INPP4B: variants seen among roughly 807,000 people sequenced by gnomAD.
The protein encoded by INPP4B is inositol polyphosphate-4-phosphatase type II B, also known as inositol polyphosphate 4-phosphatase type II.
INPP4B carries 55 observed loss-of-function variants against 122.5 expected under a neutral mutation model. That is an observed-to-expected ratio of 0.45 (90% CI 0.36 to 0.56). INPP4B has a LOEUF of 0.56. Ranked by LOEUF, INPP4B falls within the 20% of genes least tolerant of loss-of-function variation. INPP4B has a pLI of 0.00. For synonymous variants in INPP4B, 403 were observed against 388.7 expected (o/e 1.04, Z -0.43); for missense variants, 1,000 against 1,097.7 (o/e 0.91, Z 1.26).
chr4:142,582,209 T>A (rs1298085574), intron 2 of INPP4B, among the ~76,000 whole-genome samples: 1 of 142,326 alleles, frequency 7.0e-6, no homozygotes, highest in Non-Finnish European at 1.6e-5. Flanking sequence ...AAAAAAAAAA[T>A]CTACTCACAA....
intron 23 of INPP4B, among the ~76,000 whole-genome samples, chr4:142,087,161 G>A (rs1777265930): frequency 6.6e-6 from 1 of 152,142 alleles, no homozygotes; most frequent in Non-Finnish European, 1.5e-5. Flanking sequence ...CTTTCCCAAG[G>A]TAACAGTAAA....
At chr4:142,690,642 G>A (rs1343798298) in intron 2 of INPP4B, among the ~76,000 whole-genome samples, 1 of 152,112 alleles carries the variant, frequency 6.6e-6, no homozygotes, top group Non-Finnish European at 1.5e-5. Context: ...CTGGAGAACT[G>A]GCAAAAAGGA....
intron 7 of INPP4B, among the ~76,000 whole-genome samples, chr4:142,320,764 A>G (rs1769701157): frequency 6.6e-6 from 1 of 152,002 alleles, no homozygotes; most frequent in Non-Finnish European, 1.5e-5. Context: ...TCCATTCCTG[A>G]GTTACTTCAC....
chr4:142,833,720 A>C (rs373061177), intron 1 of INPP4B, among the ~76,000 whole-genome samples: 55 of 152,138 alleles, frequency 3.6e-4, no homozygotes, highest in African/African-American at 1.1e-3. Context: ...CTCAGCCAGC[A>C]CCAGGTCTTT....
intron 2 of INPP4B, among the ~76,000 whole-genome samples, chr4:142,547,821 A>G (rs1233409188): frequency 6.6e-6 from 1 of 152,208 alleles, no homozygotes; most frequent in Non-Finnish European, 1.5e-5. Context: ...GGACCAGTTT[A>G]GAACCTCATG....
chr4:142,831,522 C>T (rs1044979927), intron 1 of INPP4B, among the ~76,000 whole-genome samples: 5 of 152,178 alleles, frequency 3.3e-5, no homozygotes, highest in Non-Finnish European at 5.9e-5. Context: ...CAAATGTCTT[C>T]TACAAGGATT....
chr4:142,836,746 A>ACACACACACACACACACACACACAC (rs1561124907), intron 1 of INPP4B, among the ~76,000 whole-genome samples: 1 of 151,862 alleles, frequency 6.6e-6, no homozygotes, highest in Non-Finnish European at 1.5e-5. Context: ...ACACACACAC[A>ACACACACACACACACACACACACAC]AGAAATACGA....
chr4:142,270,464 G>T (rs543761650), intron 10 of INPP4B, among the ~76,000 whole-genome samples, 199 bp downstream of exon 10: 1 of 152,166 alleles, frequency 6.6e-6, no homozygotes. Context: ...ATGGAGCATT[G>T]CTTTGCATAG....
chr4:142,583,126 C>T (rs1289728074), intron 2 of INPP4B, among the ~76,000 whole-genome samples: 3 of 152,086 alleles, frequency 2.0e-5, no homozygotes. Flanking sequence ...GGATCTCTTA[C>T]ACCCAGGGAT....
chr4:142,697,575 G>C (rs575067669), intron 2 of INPP4B, among the ~76,000 whole-genome samples: 5 of 152,102 alleles, frequency 3.3e-5, no homozygotes, highest in Admixed American at 2.0e-4. Flanking sequence ...ATTCTTGCTG[G>C]GCTTTTCTAT....
chr4:142,280,299 C>T (rs1004354683), intron 9 of INPP4B, among the ~76,000 whole-genome samples: 36 of 152,026 alleles, frequency 2.4e-4, no homozygotes, highest in African/African-American at 8.7e-4. Context: ...ATAGAAATAT[C>T]CTTTAATGTA....
intron 2 of INPP4B, among the ~76,000 whole-genome samples, chr4:142,503,414 C>T (rs1336091269): frequency 6.6e-6 from 1 of 152,026 alleles, no homozygotes; most frequent in African/African-American, 2.4e-5. Flanking sequence ...ATAATAATTA[C>T]AGCACTTATA....
intron 2 of INPP4B, among the ~76,000 whole-genome samples, chr4:142,554,424 A>C (rs1178845085): frequency 6.6e-6 from 1 of 151,218 alleles, no homozygotes; most frequent in Non-Finnish European, 1.5e-5. Flanking sequence ...TCCCATACCT[A>C]CTCTTGATCT....
At chr4:142,717,907 C>CAAAA (rs33932611) in intron 2 of INPP4B, among the ~76,000 whole-genome samples, 8 of 58,544 alleles carry the variant, frequency 1.4e-4, no homozygotes, top group Admixed American at 2.0e-4. Context: ...AAAAAGAAAG[C>CAAAA]AAAAAAAAAA....
At chr4:142,795,535 C>T (rs953491376) in intron 1 of INPP4B, 4 of 151,874 alleles carry the variant, frequency 2.6e-5, no homozygotes, top group African/African-American at 7.2e-5. Context: ...CTCTTAATGT[C>T]CTTGGGCTGA....
At chr4:142,496,981 T>G (rs951505614) in intron 2 of INPP4B, 1 of 151,876 alleles carries the variant, frequency 6.6e-6, no homozygotes. Context: ...AAAAAGGATA[T>G]CTGTATAAAT....
At chr4:142,161,483 A>T (rs545629833) in intron 16 of INPP4B, among the ~76,000 whole-genome samples, 1 of 152,006 alleles carries the variant, frequency 6.6e-6, no homozygotes, top group South Asian at 2.1e-4. Flanking sequence ...TTAGGAAGGG[A>T]CCCTTTAACT....
intron 1 of INPP4B, among the ~76,000 whole-genome samples, chr4:142,784,508 G>A (rs1227850827): frequency 6.6e-6 from 1 of 151,986 alleles, no homozygotes; most frequent in African/African-American, 2.4e-5. Flanking sequence ...AATACATAGA[G>A]TCACAACCAA....
chr4:142,490,838 T>C (rs1341807339), intron 2 of INPP4B, among the ~76,000 whole-genome samples: 1 of 152,214 alleles, frequency 6.6e-6, no homozygotes. Flanking sequence ...GTGTCTGACT[T>C]ATTTCACTTA....
Sources: gnomAD v4.1 joint callset for allele counts (sites outside exome capture counted in the v4.1 genomes callset) on GRCh38, gnomAD v4.1.1 for gene constraint, MANE v1.5 for transcripts, NCBI Gene and HGNC (gene_info 2026-07-23, HGNC 2026-07-21) for gene names.